Variants in STARD3NL observed in about 807,000 individuals in gnomAD.
STARD3NL encodes the protein STARD3 N-terminal like, also known as STARD3 N-terminal-like protein.
STARD3NL carries 17 observed loss-of-function variants against 30.9 expected under a neutral mutation model. The ratio of observed to expected loss-of-function variants is 0.55; its 90% confidence interval spans 0.38 to 0.82. STARD3NL has a LOEUF of 0.82. Among genes scored for constraint, STARD3NL ranks in the 40% least tolerant of loss-of-function variants. The pLI is 0.00. For synonymous variants in STARD3NL, 112 were observed against 100.5 expected, an observed-to-expected ratio of 1.11 and a Z score of -0.69; for missense variants, 234 against 277.6, an observed-to-expected ratio of 0.84 and a Z score of 1.12.
chr7:38,216,915 T>C, intron 4 of STARD3NL, 110 bp from the exon 5 acceptor site: 1 of 1,341,200 alleles, frequency 7.5e-7, no homozygotes, highest in Non-Finnish European at 1.0e-6. Flanking sequence ...TAGGCACAGG[T>C]TTTTCAGGCC....
chr7:38,179,275 A>G (rs186817395), intron 1 of STARD3NL: 3 of 152,350 alleles, frequency 2.0e-5, no homozygotes, highest in African/African-American at 4.8e-5. Flanking sequence ...CTCTTTCTAG[A>G]AGCAGGATCT....
chr7:38,207,806 T>C (rs1270433438), intron 2 of STARD3NL, 77 bp downstream of exon 2: 3 of 1,287,156 alleles, frequency 2.3e-6, no homozygotes, highest in South Asian at 1.4e-5. Flanking sequence ...GTTTCTCTTA[T>C]CATTTGTTTC....
At chr7:38,198,861 C>G (rs1288999515) in intron 1 of STARD3NL, among the ~76,000 whole-genome samples, 1 of 152,226 alleles carries the variant, frequency 6.6e-6, no homozygotes, top group Non-Finnish European at 1.5e-5. Context: ...TGACCCGGCT[C>G]TGTACCCATC....
intron 7 of STARD3NL, among the ~76,000 whole-genome samples, chr7:38,224,697 G>A (rs974178699): frequency 1.3e-5 from 2 of 152,158 alleles, no homozygotes; most frequent in Non-Finnish European, 2.9e-5. Flanking sequence ...CAGTATCACA[G>A]TGCTTGTGTT....
chr7:38,196,582 G>T (rs1030925338), intron 1 of STARD3NL, among the ~76,000 whole-genome samples: 1 of 151,666 alleles, frequency 6.6e-6, no homozygotes, highest in Non-Finnish European at 1.5e-5. Context: ...AATTTCACTC[G>T]TTTTCACTTG....
chr7:38,180,776 G>A (rs1784213892), intron 1 of STARD3NL, among the ~76,000 whole-genome samples: 2 of 152,134 alleles, frequency 1.3e-5, no homozygotes, highest in South Asian at 2.1e-4. Flanking sequence ...TTATGATGTG[G>A]CATTTTAGAG....
intron 1 of STARD3NL, among the ~76,000 whole-genome samples, chr7:38,207,208 A>G (rs1360243320): frequency 6.6e-6 from 1 of 152,158 alleles, no homozygotes; most frequent in Non-Finnish European, 1.5e-5. Context: ...ACCCTTTCCT[A>G]CAGTCAGTTT....
At chr7:38,192,939 T>C (rs1784748708) in intron 1 of STARD3NL, among the ~76,000 whole-genome samples, 1 of 150,678 alleles carries the variant, frequency 6.6e-6, no homozygotes, top group South Asian at 2.1e-4. Flanking sequence ...CTTACATTGT[T>C]GTTGGTTTTT....
At chr7:38,227,810 GTA>G (rs903946012) in intron 7 of STARD3NL, among the ~76,000 whole-genome samples, 2 of 152,118 alleles carry the variant, frequency 1.3e-5, no homozygotes, top group Non-Finnish European at 2.9e-5. Flanking sequence ...TGGGGTGTGT[GTA>G]TGTGTGTGTG....
intron 1 of STARD3NL, among the ~76,000 whole-genome samples, chr7:38,195,308 G>A (rs927008885): frequency 2.6e-5 from 4 of 152,074 alleles, no homozygotes; most frequent in Non-Finnish European, 4.4e-5. Flanking sequence ...CACTTGCCTC[G>A]GCCTTTCACA....
intron 1 of STARD3NL, among the ~76,000 whole-genome samples, chr7:38,187,894 A>G (rs1306402973): frequency 1.3e-5 from 2 of 152,092 alleles, no homozygotes; most frequent in Admixed American, 1.3e-4. Context: ...TAAATTTTGC[A>G]GTTCTGTTTT....
chr7:38,219,996 A>G (rs1786358965), intron 7 of STARD3NL, among the ~76,000 whole-genome samples: 1 of 152,224 alleles, frequency 6.6e-6, no homozygotes, highest in Non-Finnish European at 1.5e-5. Context: ...TGAGAATGGC[A>G]GCACTGTCCA....
chr7:38,199,928 ACT>A (rs1206497330), intron 1 of STARD3NL, among the ~76,000 whole-genome samples: 10 of 151,952 alleles, frequency 6.6e-5, no homozygotes, highest in Admixed American at 2.6e-4. Flanking sequence ...ACTTTCTCAG[ACT>A]CTCTTGGCAT....
chr7:38,206,134 G>A (rs929164182), intron 1 of STARD3NL, among the ~76,000 whole-genome samples: 3 of 152,204 alleles, frequency 2.0e-5, no homozygotes, highest in African/African-American at 7.2e-5. Context: ...GTGAATAATA[G>A]GACCAAATGG....
In STARD3NL at chr7:38,228,577, T is replaced by C. The variant is rs1401717903; in HGVS notation, c.650-222T>C. The stretch of plus-strand genomic sequence containing the variant: ...TCTTAGTACATAAGTGAAATCCATT[T>C]TGACAGATTAGTGTAAGTGATAGAT... On this transcript the variant is annotated intron_variant, in intron 7 of 8. Coordinates refer to ENST00000009041, the MANE Select transcript of STARD3NL (RefSeq NM_032016.4). Among the ~76,000 whole-genome samples the C allele has an allele frequency of 3.3e-5, 5 of 152,240 alleles. No individual in the cohort carries two copies. The East Asian group carries it at 7.7e-4, about 23-fold the overall frequency.
At chr7:38,204,318 A>T (rs1403337892) in intron 1 of STARD3NL, among the ~76,000 whole-genome samples, 1 of 152,242 alleles carries the variant, frequency 6.6e-6, no homozygotes, top group Admixed American at 6.5e-5. Flanking sequence ...ACTAGAACTC[A>T]GGATGAAGAA....
At chr7:38,184,361 T>A (rs1332918933) in intron 1 of STARD3NL, among the ~76,000 whole-genome samples, 1 of 152,020 alleles carries the variant, frequency 6.6e-6, no homozygotes, top group African/African-American at 2.4e-5. Context: ...TGGATAATTT[T>A]ATAAAGAAAA....
intron 2 of STARD3NL, among the ~76,000 whole-genome samples, chr7:38,208,216 G>A (rs1785600050): frequency 6.6e-6 from 1 of 152,142 alleles, no homozygotes; most frequent in South Asian, 2.1e-4. Flanking sequence ...AATGTAGAAT[G>A]CTTTTGGAAT....
At chr7:38,192,352 A>G (rs1263549049) in intron 1 of STARD3NL, among the ~76,000 whole-genome samples, 2 of 152,214 alleles carry the variant, frequency 1.3e-5, no homozygotes, top group African/African-American at 4.8e-5. Context: ...AGATGTAATT[A>G]TAGAGGTCTG....
Sources: gnomAD v4.1 joint callset for allele counts (sites outside exome capture counted in the v4.1 genomes callset) on GRCh38, gnomAD v4.1.1 for gene constraint, MANE v1.5 for transcripts, NCBI Gene and HGNC (gene_info 2026-07-23, HGNC 2026-07-21) for gene names.